The following SMYD1 variants were observed in gnomAD, a reference collection of about 807,000 sequenced individuals.
The protein encoded by SMYD1 is SET and MYND domain containing 1, also known as histone-lysine N-methyltransferase SMYD1.
SMYD1 carries 49 observed loss-of-function variants against 54.0 expected under a neutral mutation model. The ratio of observed to expected loss-of-function variants is 0.91; its 90% CI spans 0.72 to 1.15. SMYD1 has a LOEUF of 1.15. SMYD1 is among the 50% of genes most tolerant of loss of function. The probability of loss-of-function intolerance (pLI) is 0.00; values close to 1 mark genes in which losing one functional copy is unlikely to be tolerated. For synonymous variants in SMYD1, 269 were observed against 234.2 expected (o/e 1.15, Z -1.36); for missense variants, 653 against 639.6 (o/e 1.02, Z -0.23).
At chr2:88,087,314 G>C (rs1472564440) in intron 2 of SMYD1, among the ~76,000 whole-genome samples, 1 of 152,074 alleles carries the variant, frequency 6.6e-6, no homozygotes, top group Non-Finnish European at 1.5e-5. Context: ...AGGCCACACT[G>C]TTGAGAGACC....
chr2:88,112,005 C>A lies in SMYD1; in HGVS notation c.*1493C>A. The A allele has an allele frequency of 1.4e-6, 1 of 701,576 alleles. No homozygotes were observed. The highest frequency in any genetic ancestry group is 2.6e-6 in the Non-Finnish European group (1 of 384,076). 43.5% of individuals were successfully genotyped at this position (701,576 alleles called of 1,614,324 possible). On this transcript the variant is annotated 3_prime_UTR_variant, in exon 10 of 10. Transcript: ENST00000419482. ...ATGACCTGCTGTGTCCCTCTGAGCA[C>A]TACCCAGTGGCTGAAAACTCTGCAA...
intron 1 of SMYD1, among the ~76,000 whole-genome samples, chr2:88,074,759 G>T (rs1300688323): frequency 6.6e-6 from 1 of 152,112 alleles, no homozygotes; most frequent in East Asian, 1.9e-4. Context: ...GTGTATATAG[G>T]GAAAAAGATA....
At chr2:88,078,351 T>G (rs1674115679) in intron 1 of SMYD1, among the ~76,000 whole-genome samples, 2 of 152,220 alleles carry the variant, frequency 1.3e-5, no homozygotes, top group East Asian at 3.8e-4. Flanking sequence ...AAATAGTAAG[T>G]ATATTTCATT....
chr2:88,096,462 G>T, intron 5 of SMYD1, 133 bp from the exon 6 acceptor site: 1 of 761,440 alleles, frequency 1.3e-6, no homozygotes, highest in East Asian at 2.5e-5. Flanking sequence ...TCCTTTTGTG[G>T]GGTCAATGGG....
At chr2:88,098,000 T>A (rs1674632720) in intron 6 of SMYD1, among the ~76,000 whole-genome samples, 1 of 152,122 alleles carries the variant, frequency 6.6e-6, no homozygotes, top group Non-Finnish European at 1.5e-5. Flanking sequence ...ATCAAAGGTG[T>A]GTATTCTAGG....
chr2:88,087,847 C>A lies in SMYD1; in HGVS notation c.315-15C>A, dbSNP rs1280126707. Reference sequence around the variant, plus strand: ...ATGCAGCTGTAGTGGCCTCCTGACGCTGCCCTTCCCACAGGCTGGCGGCGC... The same window carrying A: ...ATGCAGCTGTAGTGGCCTCCTGACGATGCCCTTCCCACAGGCTGGCGGCGC... On this transcript the variant is annotated splice_polypyrimidine_tract_variant and intron_variant, in intron 2 of 9. Coordinates refer to ENST00000419482, the MANE Select transcript of SMYD1 (RefSeq NM_198274.4). 2 of 1,550,926 alleles carry A rather than the reference C, an allele frequency of 1.3e-6. No individual in the cohort carries two copies. Among genetic ancestry groups the A allele is most frequent in the Admixed American group, 1.9e-5 (1 of 51,824 alleles).
At chr2:88,104,224 C>T (rs2970921) in intron 7 of SMYD1, among the ~76,000 whole-genome samples, 6,450 of 152,262 alleles carry the variant, frequency 0.042, 168 homozygotes, top group Middle Eastern at 0.13. Context: ...CCTTGGCCTC[C>T]CAAAGTGCTG....
rs1279654027 is a variant in SMYD1, at chr2:88,067,843, C to T, written c.-22C>T. ...TTGGCTCAGTGTTAAATAACTGCCG[C>T]GCTGGCCTGACAGTCTCTGAGATGA... is the stretch of plus-strand genomic sequence containing the variant. On this transcript the variant is annotated 5_prime_UTR_variant, in exon 1 of 10. Coordinates refer to ENST00000419482, the MANE Select transcript of SMYD1 (RefSeq NM_198274.4). The T allele has an allele frequency of 3.1e-6, 5 of 1,610,456 alleles. No individual in the cohort carries two copies. Among genetic ancestry groups the T allele is most frequent in the South Asian group, 1.1e-5 (1 of 90,590 alleles).
At chr2:88,081,680 C>T (rs949591510) in intron 1 of SMYD1, among the ~76,000 whole-genome samples, 47 of 152,200 alleles carry the variant, frequency 3.1e-4, no homozygotes, top group African/African-American at 1.0e-3. Flanking sequence ...AGGTGATCTG[C>T]GCACCTCGGC....
chr2:88,074,803 A>C (rs1180830722), intron 1 of SMYD1, among the ~76,000 whole-genome samples: 1 of 152,216 alleles, frequency 6.6e-6, no homozygotes, highest in African/African-American at 2.4e-5. Flanking sequence ...AGTATTTGTA[A>C]ATAAATTACT....
chr2:88,076,339 CGAGTAGCTGGGACTACAG>C (rs1674062465), intron 1 of SMYD1, among the ~76,000 whole-genome samples: 1 of 152,178 alleles, frequency 6.6e-6, no homozygotes, highest in African/African-American at 2.4e-5. Context: ...CTCAGCTTCC[CGAGTAGCTGGGACTACAG>C]GCGCCCGCCA....
chr2:88,105,388 C>G (rs1674838498), intron 7 of SMYD1, among the ~76,000 whole-genome samples: 1 of 152,018 alleles, frequency 6.6e-6, no homozygotes, highest in Admixed American at 6.6e-5. Context: ...TACACACACA[C>G]ACACACACAC....
chr2:88,083,664 G>A (rs894617498), intron 1 of SMYD1, among the ~76,000 whole-genome samples: 2 of 152,188 alleles, frequency 1.3e-5, no homozygotes, highest in African/African-American at 2.4e-5. Context: ...TCACCACACT[G>A]CAAGTTCAAT....
chr2:88,087,852 C>CGA lies in SMYD1; in HGVS notation c.315-10_315-9insGA. On this transcript the variant is annotated splice_polypyrimidine_tract_variant and intron_variant, in intron 2 of 9. Transcript: ENST00000419482. Reference sequence around the variant, plus strand: ...GCTGTAGTGGCCTCCTGACGCTGCCCTTCCCACAGGCTGGCGGCGCGCATC... The same window carrying CGA: ...GCTGTAGTGGCCTCCTGACGCTGCCCGATTCCCACAGGCTGGCGGCGCGCATC... The CGA allele has an allele frequency of 6.4e-7, 1 of 1,554,618 alleles. No individual in the cohort carries two copies. The highest frequency in any genetic ancestry group is 1.9e-5 in the Admixed American group (1 of 52,570).
intron 3 of SMYD1, 115 bp from the exon 4 acceptor site, chr2:88,090,897 C>A: frequency 8.2e-7 from 1 of 1,213,304 alleles, no homozygotes; most frequent in Non-Finnish European, 1.2e-6. Context: ...TCCAGACTCC[C>A]TAAGCATCTC....
intron 3 of SMYD1, among the ~76,000 whole-genome samples, 175 bp downstream of exon 3, chr2:88,088,250 C>G (rs1331890768): frequency 1.3e-5 from 2 of 152,130 alleles, no homozygotes; most frequent in Admixed American, 6.5e-5. Flanking sequence ...CAGCCAGAGG[C>G]GCTGGAGAAA....
chr2:88,084,334 C>G lies in SMYD1; in HGVS notation c.156C>G (p.Cys52Trp), dbSNP rs762979432. Residue 52 changes from cysteine to tryptophan, a missense_variant, in exon 2 of 10, where the codon TGC becomes TGG. By Grantham distance (215) the Cys-to-Trp change is radical. Transcript: ENST00000419482. ...TTTCCAGCCTTGTTAATTTTGTGTG[C>G]CACACCTGCTTCAAGAGGCAGGAGA... is the stretch of plus-strand genomic sequence containing the variant. ...VVFDSLVNFVCHTCFKRQEKL... is the reference protein window; with the variant it reads ...VVFDSLVNFVWHTCFKRQEKL... 8.9e-6 allele frequency: 14 copies of G among 1,576,740 alleles called. No homozygotes were observed. The South Asian group carries it at 1.5e-4, about 16-fold the overall frequency.
In SMYD1 at chr2:88,103,394, G is replaced by T. The variant is rs10189806; in HGVS notation, c.981+244G>T. On this transcript the variant is annotated intron_variant, in intron 7 of 9. Transcript: ENST00000419482. The stretch of plus-strand genomic sequence containing the variant: ...GAAACTGGGTCTGAGGGGAGCAAAT[G>T]CAGCCAGACACTTGTCCCTGGGGGA... 6.8e-3 allele frequency among the ~76,000 whole-genome samples: 1,028 copies of T among 152,234 alleles called. 12 individuals are homozygous for T. Among genetic ancestry groups the T allele is most frequent in the African/African-American group, 0.023 (954 of 41,510 alleles).
intron 5 of SMYD1, among the ~76,000 whole-genome samples, chr2:88,093,824 C>A (rs1041534318): frequency 6.6e-6 from 1 of 152,164 alleles, no homozygotes; most frequent in African/African-American, 2.4e-5. Context: ...GAAGCATGAA[C>A]CCTTGTAGTC....
Sources: allele counts gnomAD v4.1 joint callset (sites outside exome capture counted in the v4.1 genomes callset), GRCh38; gene constraint gnomAD v4.1.1; transcripts MANE v1.5; gene names NCBI Gene and HGNC (gene_info 2026-07-23, HGNC 2026-07-21).